NUP160: variants seen among roughly 807,000 people sequenced by gnomAD.
NUP160 encodes the protein nuclear pore complex protein Nup160.
Under a neutral mutation model 196.9 loss-of-function variants are expected in NUP160, and 94 were observed. The ratio of observed to expected loss-of-function variants is 0.48; its 90% CI spans 0.40 to 0.57. NUP160 has a LOEUF of 0.57. Among genes scored for constraint, NUP160 ranks in the 20% least tolerant of loss-of-function variants. The pLI, the probability that NUP160 is intolerant of heterozygous loss-of-function variation, is 0.00. For missense variants in NUP160, 1,638 were observed against 1,748.3 expected, an observed-to-expected ratio of 0.94 and a Z score of 1.13; for synonymous variants, 605 against 619.7, an observed-to-expected ratio of 0.98 and a Z score of 0.35.
At chr11:47,798,592 C>T (rs2097672268) in intron 23 of NUP160, 129 bp from the exon 24 acceptor site, 2 of 610,528 alleles carry the variant, frequency 3.3e-6, no homozygotes, top group Non-Finnish European at 5.9e-6. Context: ...AATCCCAGTA[C>T]TCTGGGAGGC....
At chr11:47,803,979 G>A (rs1309791869) in intron 21 of NUP160, among the ~76,000 whole-genome samples, 2 of 152,106 alleles carry the variant, frequency 1.3e-5, no homozygotes, top group African/African-American at 4.8e-5. Context: ...TCAGGAGTTC[G>A]AGACCAGCCT....
At chr11:47,802,149 T>C (rs1035443930) in intron 22 of NUP160, among the ~76,000 whole-genome samples, 3 of 152,130 alleles carry the variant, frequency 2.0e-5, no homozygotes, top group Non-Finnish European at 4.4e-5. Context: ...AAAGTAAACA[T>C]TGGCCGGGTG....
chr11:47,831,188 A>ACAAC (rs1852066348), intron 7 of NUP160, among the ~76,000 whole-genome samples: 1 of 151,196 alleles, frequency 6.6e-6, no homozygotes, highest in Non-Finnish European at 1.5e-5. Context: ...AACAACAACA[A>ACAAC]AAAAGCAAAT....
At chr11:47,796,492 T>A in intron 27 of NUP160, 1 of 276,024 alleles carries the variant, frequency 3.6e-6, no homozygotes, top group Non-Finnish European at 6.8e-6. Flanking sequence ...AGTAAATAAA[T>A]AAATAGATAT....
At chr11:47,780,537 AC>A (rs750881074) in intron 34 of NUP160, 90 bp from the exon 35 acceptor site, 4 of 616,828 alleles carry the variant, frequency 6.5e-6, no homozygotes, top group African/African-American at 5.5e-5. Flanking sequence ...AGAATAAAAT[AC>A]CCTTTTTTTT....
chr11:47,780,211 G>A (rs181664983), intron 35 of NUP160, 132 bp downstream of exon 35: 83 of 627,150 alleles, frequency 1.3e-4, no homozygotes, highest in Non-Finnish European at 2.1e-4. Context: ...AAAGGGACTG[G>A]GCAGTTTGTT....
chr11:47,812,632 A>C (rs1462764817), intron 15 of NUP160, among the ~76,000 whole-genome samples: 1 of 152,214 alleles, frequency 6.6e-6, no homozygotes, highest in East Asian at 1.9e-4. Context: ...AAACATGAGA[A>C]GAACACTTTT....
Position 47,808,668 on chromosome 11 carries a change from C to T in NUP160, c.2242-139G>A, listed in dbSNP as rs112470382. ...TAAAAGCAACACGTTTTACATTTTA[C>T]GGTAGCAAGTGGCAAAATATCTTCC... On this transcript the variant is annotated intron_variant, in intron 17 of 35. Transcript: ENST00000378460. The T allele has an allele frequency of 2.3e-3, 1,335 of 575,226 alleles. 12 individuals are homozygous for T. The highest frequency in any genetic ancestry group is 0.023 in the African/African-American group (1,183 of 51,994). 35.6% of individuals were successfully genotyped at this position (575,226 alleles called of 1,614,324 possible). A position where few individuals can be genotyped will look rare whatever the true frequency, so the allele number is the denominator to read the frequency against.
rs753212352 is a variant in NUP160, at chr11:47,792,748, G to A, written c.3450+38C>T. On this transcript the variant is annotated intron_variant, in intron 28 of 35. Coordinates refer to ENST00000378460, the Ensembl canonical transcript of NUP160. The stretch of plus-strand genomic sequence containing the variant: ...AAACAAGTAGATTTACTTGTTCCAG[G>A]ATGAACCCCCAAATTCCAGGATGAA... 7 of 1,559,222 alleles carry A rather than the reference G, an allele frequency of 4.5e-6. No individual in the cohort carries two copies. In the East Asian group the frequency reaches 7.0e-5, roughly 16 times the overall value.
chr11:47,821,572 C>T, intron 9 of NUP160, 152 bp downstream of exon 9: 1 of 579,016 alleles, frequency 1.7e-6, no homozygotes, highest in Non-Finnish European at 3.1e-6. Context: ...GTTGCCCAGC[C>T]TGGTCTCGAA....
chr11:47,779,077 G>A (rs371473960), exon 36 of NUP160: 62 of 1,532,140 alleles, frequency 4.0e-5, no homozygotes, highest in Non-Finnish European at 5.1e-5. Context: ...GGCACCAAGC[G>A]GTTACAAAGG....
At chr11:47,837,706 A>G in intron 4 of NUP160, 83 bp from the exon 5 acceptor site, 1 of 1,009,286 alleles carries the variant, frequency 9.9e-7, no homozygotes, top group Non-Finnish European at 1.6e-6. Context: ...CAAGGTCTTT[A>G]TAATAGGCAA....
intron 7 of NUP160, among the ~76,000 whole-genome samples, chr11:47,831,545 AC>A (rs1353414569): frequency 6.6e-6 from 1 of 152,154 alleles, no homozygotes; most frequent in Non-Finnish European, 1.5e-5. Context: ...GAAAATTATG[AC>A]AATGAAAGAG....
intron 27 of NUP160, among the ~76,000 whole-genome samples, chr11:47,795,091 C>A (rs999653673): frequency 6.6e-6 from 1 of 151,572 alleles, no homozygotes; most frequent in Non-Finnish European, 1.5e-5. Flanking sequence ...TAGAGTGAGA[C>A]TGTCTCAAAA....
At chr11:47,848,437 C>G in exon 1 of NUP160, 1 of 1,517,832 alleles carries the variant, frequency 6.6e-7, no homozygotes, top group Non-Finnish European at 8.8e-7. Flanking sequence ...AGCAGAAAGG[C>G]GGCTCCGGCC....
intron 7 of NUP160, among the ~76,000 whole-genome samples, chr11:47,835,180 GCTA>G (rs921457876): frequency 1.3e-5 from 2 of 152,126 alleles, no homozygotes; most frequent in Non-Finnish European, 2.9e-5. Flanking sequence ...CCCAGTGTCT[GCTA>G]TTATTAATGT....
Position 47,804,635 on chromosome 11 carries a change from G to T in NUP160, c.2607-17C>A. 6.7e-7 allele frequency: 1 copy of T among 1,493,300 alleles called. No individual in the cohort carries two copies. The highest frequency in any genetic ancestry group is 8.9e-7 in the Non-Finnish European group (1 of 1,123,956). The allele number at this position is 1,493,300 out of a possible 1,614,324, so 92.5% of individuals were successfully genotyped here. On this transcript the variant is annotated splice_polypyrimidine_tract_variant and intron_variant, in intron 20 of 35. Coordinates refer to ENST00000378460, the Ensembl canonical transcript of NUP160. ...CTAGGCCATCTAGTCATTGGTTAAG[G>T]ATATTTCTTAATTTTTGTTGGCAAA...
chr11:47,825,185 G>A (rs1336009485), intron 7 of NUP160, among the ~76,000 whole-genome samples: 11 of 152,106 alleles, frequency 7.2e-5, no homozygotes, highest in Admixed American at 7.2e-4. Flanking sequence ...GCCCGAGCTA[G>A]TCACAAACTC....
intron 31 of NUP160, among the ~76,000 whole-genome samples, chr11:47,787,753 T>C (rs1196257561): frequency 1.3e-5 from 2 of 152,056 alleles, no homozygotes; most frequent in Non-Finnish European, 2.9e-5. Flanking sequence ...AGTCTCGCTC[T>C]GTCGCCCAGG....
Sources: gnomAD v4.1 joint callset for allele counts (sites outside exome capture counted in the v4.1 genomes callset) on GRCh38, gnomAD v4.1.1 for gene constraint, MANE v1.5 for transcripts, NCBI Gene and HGNC (gene_info 2026-07-23, HGNC 2026-07-21) for gene names.